The following DPP4 variants were observed in gnomAD, a reference collection of about 807,000 sequenced individuals.
The protein encoded by DPP4 is ADCP-2.
In DPP4, 93 loss-of-function variants were observed where a neutral mutation model predicts 122.4. That is an observed-to-expected ratio of 0.76 (90% CI 0.64 to 0.90). The LOEUF (loss-of-function observed/expected upper bound fraction) is 0.90. Ranked by LOEUF, DPP4 falls within the 40% of genes least tolerant of loss-of-function variation. DPP4 has a pLI of 0.00. For missense variants in DPP4, 914 were observed against 907.3 expected (o/e 1.01, Z -0.09); for synonymous variants, 321 against 302.9 (o/e 1.06, Z -0.62).
intron 23 of DPP4, among the ~76,000 whole-genome samples, chr2:161,999,730 C>T (rs1356800850): frequency 3.3e-5 from 5 of 152,110 alleles, no homozygotes; most frequent in Non-Finnish European, 7.4e-5. Flanking sequence ...GAGGAGAGTA[C>T]TATGAGAAAC....
chr2:162,019,131 A>G (rs1189573008), intron 15 of DPP4, 92 bp downstream of exon 15: 3 of 1,172,966 alleles, frequency 2.6e-6, no homozygotes, highest in Non-Finnish European at 3.8e-6. Flanking sequence ...CCAGTTTAAT[A>G]TTAGTTAGGA....
chr2:162,065,317 C>G (rs1684912794), intron 2 of DPP4, among the ~76,000 whole-genome samples: 1 of 152,132 alleles, frequency 6.6e-6, no homozygotes, highest in South Asian at 2.1e-4. Context: ...GCTGTATGAG[C>G]AAGTGCTGGG....
At chr2:162,008,359 C>G (rs1039540609) in intron 22 of DPP4, among the ~76,000 whole-genome samples, 1 of 152,072 alleles carries the variant, frequency 6.6e-6, no homozygotes, top group South Asian at 2.1e-4. Flanking sequence ...AAAAATCAAA[C>G]GTGTAATAAA....
intron 4 of DPP4, 63 bp from the exon 5 acceptor site, chr2:162,045,675 T>C: frequency 8.6e-7 from 1 of 1,162,712 alleles, no homozygotes; most frequent in Non-Finnish European, 1.3e-6. Context: ...CACTGTGCAC[T>C]TACTTCATAG....
chr2:162,048,960 A>G (rs1576064587), intron 2 of DPP4, among the ~76,000 whole-genome samples: 1 of 152,216 alleles, frequency 6.6e-6, no homozygotes, highest in South Asian at 2.1e-4. Flanking sequence ...GTAGGATATC[A>G]TCCTAGAAGC....
Position 162,011,823 on chromosome 2 carries a change from A to G in DPP4, c.1802T>C (p.Phe601Ser), listed in dbSNP as rs1339359138. 6.2e-7 allele frequency: 1 copy of G among 1,613,478 alleles called. No individual in the cohort carries two copies. Reference sequence around the variant, plus strand: ...TGCTTCAATTTGATCTTCAACTTCAAATGTTCCCAGTCTTCTGTTGATTGC... The same window carrying G: ...TGCTTCAATTTGATCTTCAACTTCAGATGTTCCCAGTCTTCTGTTGATTGC... ...MHAINRRLGT[F>S]EVEDQIEAAR... The change falls in exon 20 of 26, where the codon TTT becomes TCT. Residue 601 changes from phenylalanine to serine, a missense_variant. By Grantham distance (155) the Phe-to-Ser change is radical (BLOSUM62 -2). Coordinates refer to ENST00000360534, the MANE Select transcript of DPP4 (RefSeq NM_001935.4).
At chr2:162,013,806 C>A (rs909348362) in intron 19 of DPP4, among the ~76,000 whole-genome samples, 2 of 152,006 alleles carry the variant, frequency 1.3e-5, no homozygotes, top group African/African-American at 4.8e-5. Context: ...AGGGTGTATT[C>A]CTAATGATTA....
intron 2 of DPP4, among the ~76,000 whole-genome samples, chr2:162,070,708 T>C (rs1371305978): frequency 6.6e-6 from 1 of 152,146 alleles, no homozygotes; most frequent in Non-Finnish European, 1.5e-5. Context: ...TGACCTTTAT[T>C]ATGGCACAGC....
chr2:162,017,161 A>G lies in DPP4; in HGVS notation c.1421-6T>C, dbSNP rs1326143768. On this transcript the variant is annotated splice_polypyrimidine_tract_variant and splice_region_variant and intron_variant, in intron 16 of 25. Transcript: ENST00000360534. ...ATAGAGGGGCAGACCAGGACCTGTT[A>G]ACACAATGGGGGAAAAATGTTTTGG... The G allele has an allele frequency of 6.2e-7, 1 of 1,611,196 alleles. No individual in the cohort carries two copies. The highest frequency in any genetic ancestry group is 2.2e-5 in the East Asian group (1 of 44,864).
In DPP4 at chr2:162,073,441, C is replaced by G. The variant is rs762146138; in HGVS notation, c.52G>C (p.Val18Leu). ...LLGLLGAAAL[V>L]TIITVPVVLL... is the part of the protein sequence containing the mutation. ...ACCACGGGCACGGTGATGATGGTGACAAGCGCAGCAGCACCCAGCAGTCCC... is the reference window on the plus strand; with the variant it reads ...ACCACGGGCACGGTGATGATGGTGAGAAGCGCAGCAGCACCCAGCAGTCCC... Residue 18 changes from valine (V) to leucine (L), a missense_variant, in exon 2 of 26, where the codon GTC becomes CTC. By Grantham distance (32) the Val-to-Leu change is conservative (BLOSUM62 1). Transcript: ENST00000360534. 1.9e-5 allele frequency: 30 copies of G among 1,614,110 alleles called. No individual in the cohort carries two copies. The highest frequency in any genetic ancestry group is 2.5e-5 in the Non-Finnish European group (29 of 1,180,036).
chr2:162,052,735 T>A (rs1259338317), intron 2 of DPP4, among the ~76,000 whole-genome samples: 2 of 152,194 alleles, frequency 1.3e-5, no homozygotes, highest in East Asian at 3.9e-4. Flanking sequence ...TTAAACACAA[T>A]TCTGGCGAGG....
chr2:161,994,461 T>C (rs760819377), intron 25 of DPP4, among the ~76,000 whole-genome samples: 14 of 152,202 alleles, frequency 9.2e-5, no homozygotes, highest in Non-Finnish European at 1.5e-4. Context: ...TATAAAACAA[T>C]CCTAATTGTT....
Position 162,011,955 on chromosome 2 carries a change from GT to G in DPP4, c.1669del (p.Thr557LeufsTer5). The G allele has an allele frequency of 6.2e-7, 1 of 1,613,644 alleles. No homozygotes were observed. The highest frequency in any genetic ancestry group is 8.5e-7 in the Non-Finnish European group (1 of 1,179,662). ...AGTGGCCCAGTTCAGTCTGAAGACA[GT>G]GTCTGCTTTTTGACTACATGGGCCT... The part of the protein sequence containing the change: ...YAGPCSQKAD[T>X]VFRLNWATYL... On this transcript the variant is annotated frameshift_variant, in exon 20 of 26. Transcript: ENST00000360534. LOFTEE classifies it high-confidence loss of function.
rs1050539699 is a variant in DPP4, at chr2:162,062,306, T to C, written c.94+11093A>G. Among the ~76,000 whole-genome samples the C allele has an allele frequency of 5.3e-5, 8 of 152,112 alleles. No individual in the cohort carries two copies. In the East Asian group the frequency reaches 1.5e-3, roughly 29 times the overall value. On this transcript the variant is annotated intron_variant, in intron 2 of 25. Coordinates refer to ENST00000360534, the MANE Select transcript of DPP4 (RefSeq NM_001935.4). ...CAAAATAAATAAATAAATAATAAAT[T>C]AAAACAATTTTATCACTATATTATT... is the stretch of plus-strand genomic sequence containing the variant.
chr2:162,020,317 T>TTTTTAAA, intron 13 of DPP4, 21 bp from the exon 14 acceptor site: 1 of 1,374,572 alleles, frequency 7.3e-7, no homozygotes, highest in East Asian at 2.5e-5. Context: ...TTTTTTTTTT[T>TTTTTAAA]CAAAAAAAAA....
intron 1 of DPP4, 168 bp from the exon 2 acceptor site, chr2:162,073,654 G>A (rs781762778): frequency 4.3e-5 from 30 of 700,572 alleles, no homozygotes; most frequent in Non-Finnish European, 6.9e-5. Context: ...GCCAGTTGGA[G>A]TTCTCTAAGG....
At chr2:162,016,887 G>A (rs966553016) in intron 17 of DPP4, 21 bp from the exon 18 acceptor site, 1 of 1,588,132 alleles carries the variant, frequency 6.3e-7, no homozygotes, top group Non-Finnish European at 8.6e-7. Flanking sequence ...ACAGGAGACA[G>A]CAGTCATTCA....
In DPP4 at chr2:161,999,082, G is replaced by C. The variant is rs1486597439; in HGVS notation, c.2053-3710C>G. ...CTGAGAGACATACACCCACTTTAAG[G>C]CTCTCAGGCTACACAGAACATTTTT... On this transcript the variant is annotated intron_variant, in intron 23 of 25. Transcript: ENST00000360534. Among the ~76,000 whole-genome samples the C allele has an allele frequency of 3.9e-5, 6 of 152,214 alleles. No homozygotes were observed. In the South Asian group the frequency reaches 1.2e-3, roughly 32 times the overall value.
intron 11 of DPP4, 107 bp from the exon 12 acceptor site, chr2:162,022,906 G>T: frequency 2.8e-6 from 3 of 1,072,162 alleles, no homozygotes; most frequent in South Asian, 1.3e-5. Flanking sequence ...ATAACTGAGA[G>T]CTATCTCCAT....
Sources: allele counts gnomAD v4.1 joint callset (sites outside exome capture counted in the v4.1 genomes callset), GRCh38; gene constraint gnomAD v4.1.1; transcripts MANE v1.5; gene names NCBI Gene and HGNC (gene_info 2026-07-23, HGNC 2026-07-21).